Variants in NPRL3 observed in about 807,000 individuals in gnomAD.
NPRL3 encodes NPR3 like, GATOR1 complex subunit.
NPRL3 carries 23 observed loss-of-function variants against 57.2 expected under a neutral mutation model. The observed-to-expected ratio is 0.40, with a 90% CI of 0.29 to 0.57. The LOEUF (loss-of-function observed/expected upper bound fraction) is 0.57, where lower values mean the gene tolerates loss of function less well. Among genes scored for constraint, NPRL3 ranks in the 20% least tolerant of loss-of-function variants. The probability of loss-of-function intolerance (pLI) is 0.42; values close to 1 mark genes in which losing one functional copy is unlikely to be tolerated. For missense variants in NPRL3, 691 were observed against 767.1 expected (o/e 0.90, Z 1.17); for synonymous variants, 333 against 321.1 (o/e 1.04, Z -0.39).
intron 3 of NPRL3, among the ~76,000 whole-genome samples, chr16:129,536 G>C (rs950390473): frequency 1.3e-5 from 2 of 152,132 alleles, no homozygotes; most frequent in African/African-American, 4.8e-5. Context: ...ACAAATTGTG[G>C]TCAGGCATGG....
At chr16:122,270 A>G (rs1171553640) in intron 3 of NPRL3, among the ~76,000 whole-genome samples, 2 of 144,896 alleles carry the variant, frequency 1.4e-5, no homozygotes, top group Non-Finnish European at 3.0e-5. Flanking sequence ...CTAATTTTTC[A>G]TATTTTTTAG....
intron 2 of NPRL3, 67 bp downstream of exon 2, chr16:138,082 TG>T: frequency 8.0e-7 from 1 of 1,257,292 alleles, no homozygotes; most frequent in Non-Finnish European, 1.1e-6. Context: ...GAGGCGGCCC[TG>T]GAATGAGGCG....
In NPRL3 at chr16:98,144, C is replaced by T. The variant is rs1567133414; in HGVS notation, c.924+1G>A. 6.2e-7 allele frequency: 1 copy of T among 1,613,110 alleles called. No individual in the cohort carries two copies. The highest frequency in any genetic ancestry group is 8.5e-7 in the Non-Finnish European group (1 of 1,179,508). On this transcript the variant is annotated splice_donor_variant, in intron 9 of 13. Transcript: ENST00000611875. LOFTEE classifies it high-confidence loss of function. ...ACCCATCTGGGCCTCCAGAGCTATA[C>T]CTGCAGCAAGGCCAGGTCCGCATCT...
chr16:96,887 C>G (rs1328307141), intron 9 of NPRL3, among the ~76,000 whole-genome samples: 2 of 152,156 alleles, frequency 1.3e-5, no homozygotes, highest in Non-Finnish European at 2.9e-5. Flanking sequence ...CTCTCAAAGA[C>G]AGAATCCAAA....
rs1900175872 is a variant in NPRL3, at chr16:119,108, G to A, written c.318+18C>T. 1.2e-6 allele frequency: 2 copies of A among 1,612,326 alleles called. No homozygotes were observed. The highest frequency in any genetic ancestry group is 4.5e-5 in the East Asian group (2 of 44,854). On this transcript the variant is annotated intron_variant, in intron 4 of 13. Coordinates refer to ENST00000611875, the MANE Select transcript of NPRL3 (RefSeq NM_001077350.3). ...CATCTGCCCAGGGAGAGCCCCACCT[G>A]CCCAGGGAGAGCCATACCTGCCCCA...
rs190084250 is a variant in NPRL3, at chr16:92,925, G to A, written c.1032-200C>T. 823 of 655,530 alleles carry A rather than the reference G, an allele frequency of 1.3e-3. 1 individual carries two copies. Among genetic ancestry groups the A allele is most frequent in the Admixed American group, 2.1e-3 (80 of 38,044 alleles). 40.6% of individuals were successfully genotyped at this position (655,530 alleles called of 1,614,324 possible). ...CCCTTGAGCAGCAGCAGGAGCCATGGGCACAGTTCATCCTGCATCTCACCT... is the reference window on the plus strand; with the variant it reads ...CCCTTGAGCAGCAGCAGGAGCCATGAGCACAGTTCATCCTGCATCTCACCT... On this transcript the variant is annotated intron_variant, in intron 10 of 13. Coordinates refer to ENST00000611875, the MANE Select transcript of NPRL3 (RefSeq NM_001077350.3).
chr16:93,564 G>GTTTTT (rs34541011), intron 9 of NPRL3, among the ~76,000 whole-genome samples: 1 of 135,458 alleles, frequency 7.4e-6, no homozygotes, highest in African/African-American at 2.8e-5. Context: ...GTGAGCAATG[G>GTTTTT]TTTTTTTTTT....
chr16:137,718 T>G (rs1335462122), intron 2 of NPRL3, among the ~76,000 whole-genome samples: 1 of 151,770 alleles, frequency 6.6e-6, no homozygotes, highest in Non-Finnish European at 1.5e-5. Context: ...CTCGGCTAAT[T>G]TGTTTTTTTT....
intron 12 of NPRL3, chr16:89,099 C>T: frequency 1.7e-6 from 1 of 586,036 alleles, no homozygotes; most frequent in East Asian, 2.8e-5. Flanking sequence ...AGCCTCCCCT[C>T]TGGGGGCAAC....
Position 86,755 on chromosome 16 carries a change from T to C in NPRL3, c.1660A>G (p.Thr554Ala). The C allele has an allele frequency of 6.3e-7, 1 of 1,586,958 alleles. No homozygotes were observed. The highest frequency in any genetic ancestry group is 2.3e-5 in the East Asian group (1 of 43,190). The change falls in exon 14 of 14, where the codon ACC (threonine) becomes GCC (alanine). Residue 554 changes from threonine (T) to alanine (A), a missense_variant. Thr to Ala is a moderately conservative substitution (Grantham distance 58). Transcript: ENST00000611875. ...GCAATGACAGGGTCCTCGTGGGTGG[T>C]CACCACCAGCACGCTGCGGAACTTG... Reference protein sequence around the residue: ...FDKFRSVLVVTTHEDPVIAVF... With the variant: ...FDKFRSVLVVATHEDPVIAVF...
At chr16:100,681 A>G (rs1367649785) in intron 7 of NPRL3, among the ~76,000 whole-genome samples, 172 bp from the exon 8 acceptor site, 2 of 143,876 alleles carry the variant, frequency 1.4e-5, no homozygotes, top group Non-Finnish European at 3.1e-5. Context: ...AGAAAAGAAA[A>G]TATGGGGGCC....
chr16:94,707 G>A (rs1898912654), intron 9 of NPRL3, among the ~76,000 whole-genome samples: 1 of 152,148 alleles, frequency 6.6e-6, no homozygotes, highest in African/African-American at 2.4e-5. Context: ...AGCCAAGATT[G>A]TGCGAGTAGT....
At chr16:135,079 C>T (rs938604839) in intron 2 of NPRL3, among the ~76,000 whole-genome samples, 1 of 152,076 alleles carries the variant, frequency 6.6e-6, no homozygotes, top group Admixed American at 6.6e-5. Flanking sequence ...TCCAAGTAAA[C>T]GTGAGAATTT....
intron 9 of NPRL3, among the ~76,000 whole-genome samples, chr16:95,700 G>A (rs1433143896): frequency 6.6e-6 from 1 of 152,092 alleles, no homozygotes; most frequent in African/African-American, 2.4e-5. Flanking sequence ...CTCCTGAGTA[G>A]CTGGGACCAT....
In NPRL3 at chr16:124,456, C is replaced by T. The variant is rs569477738; in HGVS notation, c.189-5201G>A. Among the ~76,000 whole-genome samples, 156 of 152,178 alleles carry T rather than the reference C, an allele frequency of 1.0e-3. 1 individual carries two copies. The highest frequency in any genetic ancestry group is 3.6e-3 in the African/African-American group (149 of 41,520). Reference sequence around the variant, plus strand: ...GGTCAAGCAATCCTCCTGCCTCGGCCTCCCAAAGTACTGGGATTACAGGCG... The same window carrying T: ...GGTCAAGCAATCCTCCTGCCTCGGCTTCCCAAAGTACTGGGATTACAGGCG... On this transcript the variant is annotated intron_variant, in intron 3 of 13. Transcript: ENST00000611875.
intron 7 of NPRL3, among the ~76,000 whole-genome samples, chr16:103,308 T>TGTTTG (rs1567136042): frequency 3.2e-5 from 4 of 124,834 alleles, no homozygotes; most frequent in African/African-American, 1.2e-4. Flanking sequence ...TTTTTTTTTT[T>TGTTTG]TTTTTTTTTT....
At chr16:138,060 G>A (rs1352887888) in intron 2 of NPRL3, 90 bp downstream of exon 2, 20 of 921,272 alleles carry the variant, frequency 2.2e-5, no homozygotes, top group Non-Finnish European at 3.4e-5. Context: ...CCCAGCAAAA[G>A]CTAAGCTCCG....
Position 131,608 on chromosome 16 carries a change from A to AAAC in NPRL3, c.119-1018_119-1017insGTT, listed in dbSNP as rs1303166384. ...GTGAGACTCAGTCTCAAAAAAAAAA[A>AAAC]AAAAAAAAAAACGCTAACAATCAGC... On this transcript the variant is annotated intron_variant, in intron 2 of 13. Transcript: ENST00000611875. Among the ~76,000 whole-genome samples, 10 of 151,366 alleles carry AAAC rather than the reference A, an allele frequency of 6.6e-5. No homozygotes were observed. In the South Asian group the frequency reaches 1.5e-3, roughly 22 times the overall value.
rs1898402628 is a variant in NPRL3 at position 85,390 on chromosome 16, C to G, written c.*1315G>C. 1.3e-6 allele frequency: 2 copies of G among 1,591,058 alleles called. No individual in the cohort carries two copies. Among genetic ancestry groups the G allele is most frequent in the South Asian group, 2.2e-5 (2 of 89,222 alleles). On this transcript the variant is annotated 3_prime_UTR_variant, in exon 14 of 14. Transcript: ENST00000611875. ...TAGGGAGGCTCCACTTCCAAACTGT[C>G]CGTCCCACAGGGGACGGGGCTTGCG... is the stretch of plus-strand genomic sequence containing the variant.
Sources: gnomAD v4.1 joint callset for allele counts (sites outside exome capture counted in the v4.1 genomes callset) on GRCh38, gnomAD v4.1.1 for gene constraint, MANE v1.5 for transcripts, NCBI Gene and HGNC (gene_info 2026-07-23, HGNC 2026-07-21) for gene names.